Variants in KLF12 observed in about 807,000 individuals in gnomAD.
KLF12 encodes the protein KLF transcription factor 12, also known as Krueppel-like factor 12.
Under a neutral mutation model 37.8 loss-of-function variants are expected in KLF12, and 9 were observed. That is an observed-to-expected ratio of 0.24 (90% confidence interval 0.14 to 0.42). The LOEUF (loss-of-function observed/expected upper bound fraction) is 0.42, where lower values mean the gene tolerates loss of function less well. Ranked by LOEUF, KLF12 falls within the 10% of genes least tolerant of loss-of-function variation. KLF12 has a pLI of 1.00. For missense variants in KLF12, 411 were observed against 516.0 expected, an observed-to-expected ratio of 0.80 and a Z score of 1.97; for synonymous variants, 208 against 202.1, an observed-to-expected ratio of 1.03 and a Z score of -0.25.
the KLF12 span, among the ~76,000 whole-genome samples, chr13:74,195,676 G>A: frequency 6.6e-6 from 1 of 151,892 alleles, no homozygotes; most frequent in African/African-American, 2.4e-5. Flanking sequence ...TCGGCTCACT[G>A]CAACCTCCAC....
chr13:73,834,129 G>A (rs1015754226), intron 4 of KLF12, among the ~76,000 whole-genome samples: 1 of 151,936 alleles, frequency 6.6e-6, no homozygotes, highest in Non-Finnish European at 1.5e-5. Flanking sequence ...AGAATTCGGG[G>A]AGAACACCTC....
chr13:73,955,482 CTG>C (rs1890803009), intron 2 of KLF12, among the ~76,000 whole-genome samples: 1 of 152,120 alleles, frequency 6.6e-6, no homozygotes, highest in Admixed American at 6.5e-5. Flanking sequence ...CTGTTTAAAA[CTG>C]TGACGATGTA....
At chr13:73,795,967 A>C (rs1183269422) in intron 5 of KLF12, among the ~76,000 whole-genome samples, 1 of 152,242 alleles carries the variant, frequency 6.6e-6, no homozygotes, top group Admixed American at 6.5e-5. Context: ...TAACTCTGGC[A>C]TATACTGGGC....
chr13:73,704,185 T>C (rs1593979826), intron 7 of KLF12, among the ~76,000 whole-genome samples: 1 of 152,148 alleles, frequency 6.6e-6, no homozygotes, highest in East Asian at 1.9e-4. Flanking sequence ...TCTTGGCTCA[T>C]ATGTCTTCCA....
intron 1 of KLF12, among the ~76,000 whole-genome samples, chr13:74,067,411 T>C (rs570613223): frequency 1.1e-4 from 16 of 152,190 alleles, no homozygotes; most frequent in Non-Finnish European, 2.2e-4. Flanking sequence ...ACATTAGATA[T>C]AACAAAAGCA....
chr13:74,174,408 A>T, the KLF12 span, among the ~76,000 whole-genome samples: 5 of 148,094 alleles, frequency 3.4e-5, no homozygotes, highest in Admixed American at 3.4e-4. Context: ...ACTCGGGCTA[A>T]TTTTTGTATT....
At chr13:74,141,031 C>T in the KLF12 span, among the ~76,000 whole-genome samples, 1 of 151,916 alleles carries the variant, frequency 6.6e-6, no homozygotes, top group Non-Finnish European at 1.5e-5. Flanking sequence ...TGCCACCGCA[C>T]TCCAGCCTGG....
chr13:73,716,687 T>C (rs1875837075), intron 6 of KLF12, among the ~76,000 whole-genome samples: 1 of 152,180 alleles, frequency 6.6e-6, no homozygotes, highest in African/African-American at 2.4e-5. Flanking sequence ...TTTTTGTGTG[T>C]TTTTTAAGTC....
intron 1 of KLF12, among the ~76,000 whole-genome samples, chr13:73,997,328 T>C (rs1479040802): frequency 6.6e-6 from 1 of 151,934 alleles, no homozygotes; most frequent in East Asian, 1.9e-4. Context: ...GAAGCAAGGA[T>C]AATAATAATA....
At chr13:74,042,377 A>G (rs545002826) in intron 1 of KLF12, among the ~76,000 whole-genome samples, 60 of 152,050 alleles carry the variant, frequency 3.9e-4, no homozygotes, top group African/African-American at 1.4e-3. Flanking sequence ...ATAAGGTCAC[A>G]CGTGCATTCA....
At chr13:73,756,369 T>C (rs1314855213) in intron 6 of KLF12, among the ~76,000 whole-genome samples, 1 of 151,994 alleles carries the variant, frequency 6.6e-6, no homozygotes, top group Non-Finnish European at 1.5e-5. Context: ...CCAAGTAGGG[T>C]TTTAGAGAAA....
At chr13:74,069,260 T>C (rs1025535213) in intron 1 of KLF12, among the ~76,000 whole-genome samples, 6 of 152,188 alleles carry the variant, frequency 3.9e-5, no homozygotes, top group Non-Finnish European at 5.9e-5. Flanking sequence ...GGGCTGACTT[T>C]TCCTATAGGT....
chr13:74,249,493 G>A, the KLF12 span, among the ~76,000 whole-genome samples: 24 of 152,020 alleles, frequency 1.6e-4, no homozygotes, highest in African/African-American at 5.6e-4. Context: ...AGCTTCTCAG[G>A]GATTCTCACA....
chr13:74,050,487 G>A (rs1002691341), intron 1 of KLF12, among the ~76,000 whole-genome samples: 1 of 152,150 alleles, frequency 6.6e-6, no homozygotes, highest in African/African-American at 2.4e-5. Flanking sequence ...GTAAGCCTGA[G>A]GATGAGGGCT....
intron 3 of KLF12, among the ~76,000 whole-genome samples, chr13:73,898,441 A>T (rs1412320406): frequency 6.6e-6 from 1 of 152,212 alleles, no homozygotes; most frequent in Non-Finnish European, 1.5e-5. Flanking sequence ...ACCACTTCCT[A>T]TTTAATGACA....
At chr13:74,213,098 A>G in the KLF12 span, among the ~76,000 whole-genome samples, 1 of 152,194 alleles carries the variant, frequency 6.6e-6, no homozygotes, top group Non-Finnish European at 1.5e-5. Flanking sequence ...GCTAAAAGTC[A>G]TACATAATTC....
chr13:74,055,895 C>G (rs1303209720), intron 1 of KLF12, among the ~76,000 whole-genome samples: 1 of 152,168 alleles, frequency 6.6e-6, no homozygotes, highest in African/African-American at 2.4e-5. Context: ...GATATCAAAA[C>G]AACCCCAAGA....
the KLF12 span, among the ~76,000 whole-genome samples, chr13:74,297,995 A>G: frequency 6.6e-6 from 1 of 152,108 alleles, no homozygotes; most frequent in East Asian, 1.9e-4. Flanking sequence ...TATTTCATTG[A>G]CTCTTTCTCT....
At chr13:73,939,899 T>C (rs1364802070) in intron 3 of KLF12, among the ~76,000 whole-genome samples, 5 of 152,200 alleles carry the variant, frequency 3.3e-5, no homozygotes, top group Admixed American at 3.3e-4. Flanking sequence ...AGAAAGGCTC[T>C]GTCTCACCCC....
Sources: allele counts gnomAD v4.1 joint callset (sites outside exome capture counted in the v4.1 genomes callset), GRCh38; gene constraint gnomAD v4.1.1; transcripts MANE v1.5; gene names NCBI Gene and HGNC (gene_info 2026-07-23, HGNC 2026-07-21).